Variants in TUSC3 observed in about 807,000 individuals in gnomAD.
TUSC3 encodes the protein dolichyl-diphosphooligosaccharide--protein glycosyltransferase subunit TUSC3.
A neutral mutation model predicts 44.8 loss-of-function variants in TUSC3; 45 were observed. That is an observed-to-expected ratio of 1.00 (90% confidence interval 0.79 to 1.29). The LOEUF is 1.29. TUSC3 is among the 50% of genes most tolerant of loss of function. TUSC3 has a pLI of 0.00. For missense variants in TUSC3, 519 were observed against 437.9 expected (o/e 1.19, Z -1.65); for synonymous variants, 212 against 152.9 (o/e 1.39, Z -2.85).
downstream of TUSC3, among the ~76,000 whole-genome samples, chr8:15,770,534 C>A (rs895842176): frequency 1.3e-5 from 2 of 151,808 alleles, no homozygotes; most frequent in African/African-American, 4.8e-5. Flanking sequence ...CACATGTATC[C>A]CAGAACTTAA....
intron 7 of TUSC3, among the ~76,000 whole-genome samples, chr8:15,742,033 TTAAGAA>T (rs1471891192): frequency 2.0e-5 from 3 of 152,288 alleles, no homozygotes; most frequent in South Asian, 4.1e-4. Flanking sequence ...CCAAAACACT[TTAAGAA>T]TAATGGATTT....
chr8:15,607,372 C>G (rs535544390), intron 1 of TUSC3, among the ~76,000 whole-genome samples: 4 of 152,184 alleles, frequency 2.6e-5, no homozygotes, highest in Non-Finnish European at 5.9e-5. Context: ...TCAAAACAGT[C>G]AACTCCTTTA....
In TUSC3 at chr8:15,759,040, A is replaced by G. The variant is rs553506925; in HGVS notation, c.*46+1185A>G. ...GGCTAAAGAATTCTAGCTAAGGGCC[A>G]CAATGTACTTCTCGCTAGCATTCTC... On this transcript the variant is annotated intron_variant, in intron 10 of 10. Transcript: ENST00000503731. 2.0e-5 allele frequency among the ~76,000 whole-genome samples: 3 copies of G among 152,322 alleles called. No homozygotes were observed. In the South Asian group the frequency reaches 6.2e-4, roughly 32 times the overall value.
At chr8:15,714,011 G>A (rs1809964971) in intron 6 of TUSC3, among the ~76,000 whole-genome samples, 1 of 152,162 alleles carries the variant, frequency 6.6e-6, no homozygotes, top group Non-Finnish European at 1.5e-5. Flanking sequence ...TTATTTTAGT[G>A]AAAGTGCGCC....
the TUSC3 span, among the ~76,000 whole-genome samples, chr8:15,823,848 G>A: frequency 4.1e-4 from 62 of 152,206 alleles, no homozygotes; most frequent in South Asian, 0.012. Flanking sequence ...TAAATAACAA[G>A]AATTTTTCTG....
chr8:15,593,428 A>C (rs886734894), intron 1 of TUSC3, among the ~76,000 whole-genome samples: 1 of 152,206 alleles, frequency 6.6e-6, no homozygotes, highest in African/African-American at 2.4e-5. Flanking sequence ...CACTTACTAA[A>C]ATAATATGGC....
At chr8:15,560,400 A>T (rs200695219) in intron 1 of TUSC3, among the ~76,000 whole-genome samples, 1 of 142,472 alleles carries the variant, frequency 7.0e-6, no homozygotes, top group African/African-American at 2.5e-5. Context: ...CTTCCCTTTG[A>T]GGGTAACCCG....
chr8:15,639,238 C>T (rs1019526184), intron 2 of TUSC3, among the ~76,000 whole-genome samples: 14 of 129,408 alleles, frequency 1.1e-4, no homozygotes, highest in Non-Finnish European at 8.0e-5. Flanking sequence ...TGATGTTCAG[C>T]GCTTCAGTGA....
chr8:15,693,039 T>G (rs1343036892), intron 6 of TUSC3, among the ~76,000 whole-genome samples: 1 of 152,216 alleles, frequency 6.6e-6, no homozygotes. Flanking sequence ...ACATTGAGCC[T>G]ATGGATGTCA....
At chr8:15,742,120 T>C (rs1006600091) in intron 7 of TUSC3, among the ~76,000 whole-genome samples, 2 of 149,308 alleles carry the variant, frequency 1.3e-5, no homozygotes, top group African/African-American at 4.9e-5. Context: ...CTTTTCAGGC[T>C]ACTGCCTACA....
At chr8:15,515,886 G>A (rs191568491) in intron 2 of TUSC3, among the ~76,000 whole-genome samples, 1 of 151,992 alleles carries the variant, frequency 6.6e-6, no homozygotes, top group Non-Finnish European at 1.5e-5. Flanking sequence ...GGCCAGGCTG[G>A]TCTTGAATTC....
chr8:15,614,610 G>T (rs1804908939), intron 1 of TUSC3, among the ~76,000 whole-genome samples: 1 of 152,076 alleles, frequency 6.6e-6, no homozygotes, highest in South Asian at 2.1e-4. Flanking sequence ...CCATGTCGTG[G>T]CAGTTACAAG....
chr8:15,551,784 G>A (rs1256101114), intron 1 of TUSC3, among the ~76,000 whole-genome samples: 1 of 151,720 alleles, frequency 6.6e-6, no homozygotes, highest in Non-Finnish European at 1.5e-5. Flanking sequence ...TTTTAAAAAG[G>A]AATGGGAGGG....
intron 2 of TUSC3, among the ~76,000 whole-genome samples, chr8:15,524,922 C>G (rs1256110735): frequency 1.3e-5 from 2 of 152,188 alleles, no homozygotes; most frequent in African/African-American, 4.8e-5. Context: ...AAGACTAACA[C>G]AGTTAACTAA....
intron 6 of TUSC3, among the ~76,000 whole-genome samples, chr8:15,724,480 C>G (rs1049698302): frequency 1.3e-5 from 2 of 152,028 alleles, no homozygotes; most frequent in African/African-American, 2.4e-5. Context: ...GCAAGGCAAC[C>G]CTTTGACTTC....
chr8:15,685,121 G>A (rs1808575992), intron 6 of TUSC3, among the ~76,000 whole-genome samples: 1 of 152,172 alleles, frequency 6.6e-6, no homozygotes, highest in Non-Finnish European at 1.5e-5. Context: ...TGAAACATTT[G>A]GGGGTGCATG....
intron 1 of TUSC3, among the ~76,000 whole-genome samples, chr8:15,446,555 G>C (rs1041320519): frequency 3.3e-5 from 5 of 151,898 alleles, no homozygotes. Flanking sequence ...GCGAAACCCC[G>C]TCTCCACCAA....
At chr8:15,756,269 C>G (rs1034444779) in intron 9 of TUSC3, among the ~76,000 whole-genome samples, 1 of 151,904 alleles carries the variant, frequency 6.6e-6, no homozygotes. Flanking sequence ...CTCTAGTTAC[C>G]TCTCTCTCTA....
At chr8:15,653,370 ATT>A (rs1172304296) in intron 3 of TUSC3, among the ~76,000 whole-genome samples, 6 of 152,068 alleles carry the variant, frequency 3.9e-5, no homozygotes, top group Admixed American at 6.6e-5. Context: ...GTTAATTCAT[ATT>A]TTTTTTTAAA....
Sources: allele counts gnomAD v4.1 joint callset (sites outside exome capture counted in the v4.1 genomes callset), GRCh38; gene constraint gnomAD v4.1.1; transcripts MANE v1.5; gene names NCBI Gene and HGNC (gene_info 2026-07-23, HGNC 2026-07-21).